DLC1: variants seen among roughly 807,000 people sequenced by gnomAD.
DLC1 encodes the protein rho GTPase-activating protein 7.
In DLC1, 54 loss-of-function variants were observed where a neutral mutation model predicts 140.3. The observed-to-expected ratio is 0.38, with a 90% CI of 0.31 to 0.48. The LOEUF is 0.48. Among genes scored for constraint, DLC1 ranks in the 20% least tolerant of loss-of-function variants. DLC1 has a pLI of 0.96. For synonymous variants in DLC1, 986 were observed against 728.1 expected (o/e 1.35, Z -5.70); for missense variants, 2,536 against 1,907.0 (o/e 1.33, Z -6.14).
intron 5 of DLC1, among the ~76,000 whole-genome samples, chr8:13,261,877 A>G (rs1830483553): frequency 6.6e-6 from 1 of 152,268 alleles, no homozygotes. Flanking sequence ...TAAAACAAGG[A>G]TGATAACAGA....
chr8:13,153,730 C>T (rs978510274), intron 5 of DLC1, among the ~76,000 whole-genome samples: 3 of 151,558 alleles, frequency 2.0e-5, no homozygotes, highest in African/African-American at 7.3e-5. Flanking sequence ...TAGCTAGACA[C>T]AAGGCACTGA....
intron 1 of DLC1, 38 bp from the exon 2 acceptor site, chr8:13,500,234 C>T (rs533355446): frequency 3.0e-5 from 18 of 594,564 alleles, no homozygotes; most frequent in Admixed American, 1.3e-4. Context: ...GTCGCAGATA[C>T]GTTTCTAAAG....
In DLC1 at chr8:13,247,803, G is replaced by A. The variant is rs112425627; in HGVS notation, c.1348+57466C>T. Among the ~76,000 whole-genome samples the A allele has an allele frequency of 1.1e-3, 162 of 152,282 alleles. 2 individuals are homozygous for A. The highest frequency in any genetic ancestry group is 8.9e-3 in the East Asian group (46 of 5,180). On this transcript the variant is annotated intron_variant, in intron 5 of 17. Coordinates refer to ENST00000276297, the MANE Select transcript of DLC1 (RefSeq NM_182643.3). Reference sequence around the variant, plus strand: ...TATCATAGACTTGAGGCTCACCATCGTGCTACAAGAATTTCCTAACCAAAC... The same window carrying A: ...TATCATAGACTTGAGGCTCACCATCATGCTACAAGAATTTCCTAACCAAAC...
intron 5 of DLC1, among the ~76,000 whole-genome samples, chr8:13,174,798 C>T (rs1014766318): frequency 6.6e-6 from 1 of 152,076 alleles, no homozygotes; most frequent in Non-Finnish European, 1.5e-5. Flanking sequence ...ATATTTTCTC[C>T]CATTCTGTAG....
At chr8:13,507,524 G>C (rs1475295084) in intron 1 of DLC1, among the ~76,000 whole-genome samples, 1 of 152,140 alleles carries the variant, frequency 6.6e-6, no homozygotes, top group Non-Finnish European at 1.5e-5. Flanking sequence ...CATGATGCAA[G>C]AATTTACCTC....
At chr8:13,390,563 C>G (rs1279978476) in intron 4 of DLC1, among the ~76,000 whole-genome samples, 2 of 152,200 alleles carry the variant, frequency 1.3e-5, no homozygotes, top group African/African-American at 4.8e-5. Flanking sequence ...CTGTCTTCCA[C>G]AATGGTTGAA....
chr8:13,440,878 T>A (rs1341407848), intron 2 of DLC1, among the ~76,000 whole-genome samples: 4 of 152,174 alleles, frequency 2.6e-5, no homozygotes, highest in Non-Finnish European at 5.9e-5. Flanking sequence ...TCTCCAGCCA[T>A]GTGGAACTGT....
intron 2 of DLC1, among the ~76,000 whole-genome samples, chr8:13,446,537 A>G (rs972831287): frequency 2.6e-5 from 4 of 151,546 alleles, no homozygotes; most frequent in African/African-American, 4.9e-5. Flanking sequence ...GTACATAGAA[A>G]GAAGGAGAGA....
intron 5 of DLC1, among the ~76,000 whole-genome samples, chr8:13,275,863 C>G (rs528666185): frequency 3.2e-4 from 48 of 152,292 alleles, no homozygotes; most frequent in African/African-American, 1.1e-3. Context: ...GCACCTCACA[C>G]CTGATCAGCT....
chr8:13,151,891 A>G (rs886608543), intron 5 of DLC1, among the ~76,000 whole-genome samples: 1 of 150,032 alleles, frequency 6.7e-6, no homozygotes, highest in African/African-American at 2.4e-5. Context: ...AGAAAGTGGT[A>G]AGGCTGCATA....
rs1836887108 is a variant in DLC1, at chr8:13,393,854, A to C, written c.1174-161T>G. Among the ~76,000 whole-genome samples the C allele has an allele frequency of 2.0e-5, 3 of 152,216 alleles. 1 individual carries two copies. The South Asian group carries it at 6.2e-4, about 32-fold the overall frequency. ...AGTGACGTGTCACACATAATCATGC[A>C]TTATTTGGTAAGAACCATTGTACTC... On this transcript the variant is annotated intron_variant, in intron 3 of 17. Transcript: ENST00000276297.
At chr8:13,602,091 GC>G (rs1273239367) in intron 1 of DLC1, among the ~76,000 whole-genome samples, 1 of 151,760 alleles carries the variant, frequency 6.6e-6, no homozygotes. Context: ...ATGAATCTGA[GC>G]AATTCTCTAG....
intron 2 of DLC1, among the ~76,000 whole-genome samples, chr8:13,483,847 C>T (rs10094537): frequency 0.023 from 3,513 of 152,060 alleles, 152 homozygotes; most frequent in African/African-American, 0.08. Context: ...TTTGGGAGGC[C>T]GAGGCTGCTG....
At chr8:13,350,366 A>G (rs1396643849) in intron 4 of DLC1, among the ~76,000 whole-genome samples, 6 of 151,288 alleles carry the variant, frequency 4.0e-5, no homozygotes, top group African/African-American at 1.2e-4. Context: ...TATTTGCTCT[A>G]TCTCTTTTCC....
rs188760924 is a variant in DLC1, at chr8:13,121,393, G to T, written c.1349-5736C>A. On this transcript the variant is annotated intron_variant, in intron 5 of 17. Transcript: ENST00000276297. The stretch of plus-strand genomic sequence containing the variant: ...GCAGGAATGTTGTGCAGGTGGATAC[G>T]ATGGTTTTAATTACAACCCATCTTT... Among the ~76,000 whole-genome samples, 204 of 152,264 alleles carry T rather than the reference G, an allele frequency of 1.3e-3. 1 individual carries two copies. Among genetic ancestry groups the T allele is most frequent in the African/African-American group, 4.7e-3 (194 of 41,540 alleles).
chr8:13,543,308 T>C (rs1187274915), intron 1 of DLC1, among the ~76,000 whole-genome samples: 2 of 152,222 alleles, frequency 1.3e-5, no homozygotes, highest in Non-Finnish European at 2.9e-5. Flanking sequence ...AGAATTGTGA[T>C]ATTTGTATTG....
chr8:13,241,262 T>C (rs1829533066), intron 5 of DLC1, among the ~76,000 whole-genome samples: 1 of 152,246 alleles, frequency 6.6e-6, no homozygotes, highest in Non-Finnish European at 1.5e-5. Flanking sequence ...AGGTGAGAAC[T>C]GCTTTCAATT....
intron 4 of DLC1, among the ~76,000 whole-genome samples, chr8:13,360,961 C>T (rs777970175): frequency 9.2e-5 from 14 of 151,738 alleles, no homozygotes; most frequent in South Asian, 2.1e-4. Flanking sequence ...CTGGCTGCAG[C>T]GGCTCATGCC....
intron 5 of DLC1, among the ~76,000 whole-genome samples, chr8:13,172,656 C>T (rs979387581): frequency 3.9e-5 from 6 of 152,206 alleles, no homozygotes; most frequent in Non-Finnish European, 5.9e-5. Context: ...CAGTTAGGAG[C>T]ATGTACTGTT....
Sources: allele counts gnomAD v4.1 joint callset (sites outside exome capture counted in the v4.1 genomes callset), GRCh38; gene constraint gnomAD v4.1.1; transcripts MANE v1.5; gene names NCBI Gene and HGNC (gene_info 2026-07-23, HGNC 2026-07-21).